DSTYK: variants seen among roughly 807,000 people sequenced by gnomAD.
DSTYK encodes the protein RIP-homologous kinase.
In DSTYK, 34 loss-of-function variants were observed where a neutral mutation model predicts 98.7. That is an observed-to-expected ratio of 0.34 (90% confidence interval 0.26 to 0.46). The LOEUF (loss-of-function observed/expected upper bound fraction) is 0.46, where lower values mean the gene tolerates loss of function less well. DSTYK is among the 20% of genes least tolerant of loss of function. The pLI is 1.00. For synonymous variants in DSTYK, 462 were observed against 457.3 expected, an observed-to-expected ratio of 1.01 and a Z score of -0.13; for missense variants, 962 against 1,181.7, an observed-to-expected ratio of 0.81 and a Z score of 2.73.
chr1:205,210,983 G>A (rs1659354610), intron 1 of DSTYK, among the ~76,000 whole-genome samples: 1 of 152,166 alleles, frequency 6.6e-6, no homozygotes, highest in Non-Finnish European at 1.5e-5. Context: ...GCCCGCCCCA[G>A]GTCCGTCAGC....
chr1:205,195,656 C>T (rs555230034), intron 1 of DSTYK, among the ~76,000 whole-genome samples: 7 of 152,290 alleles, frequency 4.6e-5, no homozygotes, highest in South Asian at 4.1e-4. Flanking sequence ...TCGCTGGAAT[C>T]GGAAAAGTCA....
intron 9 of DSTYK, among the ~76,000 whole-genome samples, chr1:205,158,375 G>A (rs894679384): frequency 1.3e-5 from 2 of 151,984 alleles, no homozygotes; most frequent in South Asian, 4.2e-4. Context: ...AGACTCTGAG[G>A]TCAGCTTTTC....
In DSTYK at chr1:205,165,321, C is replaced by A. The variant is rs1322581153; in HGVS notation, c.1325-1366G>T. Among the ~76,000 whole-genome samples the A allele has an allele frequency of 2.0e-5, 3 of 152,076 alleles. No individual in the cohort carries two copies. In the East Asian group the frequency reaches 5.8e-4, roughly 29 times the overall value. Reference sequence around the variant, plus strand: ...GGCCAGGCTGGTCTTGAACTCCTGACCTCAGGTGATCCGCTCACCTTGGCC... The same window carrying A: ...GGCCAGGCTGGTCTTGAACTCCTGAACTCAGGTGATCCGCTCACCTTGGCC... On this transcript the variant is annotated intron_variant, in intron 3 of 12. Transcript: ENST00000367162.
chr1:205,180,579 C>T (rs1228652619), intron 2 of DSTYK, among the ~76,000 whole-genome samples: 1 of 152,192 alleles, frequency 6.6e-6, no homozygotes, highest in Non-Finnish European at 1.5e-5. Context: ...GTCTTCCCGC[C>T]TCAGCCTCCT....
chr1:205,206,273 G>GT (rs1286685112), intron 1 of DSTYK, among the ~76,000 whole-genome samples: 27 of 149,372 alleles, frequency 1.8e-4, no homozygotes, highest in South Asian at 1.1e-3. Context: ...GTTTTTTTTG[G>GT]TTTTTTTTTT....
intron 2 of DSTYK, among the ~76,000 whole-genome samples, chr1:205,181,658 G>A (rs968908901): frequency 4.3e-5 from 3 of 69,146 alleles, no homozygotes; most frequent in African/African-American, 1.3e-4. Context: ...GTTGGGGTTT[G>A]TGTGTGTGTG....
intron 2 of DSTYK, among the ~76,000 whole-genome samples, chr1:205,172,645 C>T (rs1258621175): frequency 6.6e-6 from 1 of 152,040 alleles, no homozygotes; most frequent in Non-Finnish European, 1.5e-5. Flanking sequence ...TTATTTCCAA[C>T]AAAGCACAAA....
chr1:205,179,346 C>T (rs1305240986), intron 2 of DSTYK, among the ~76,000 whole-genome samples: 2 of 151,920 alleles, frequency 1.3e-5, no homozygotes, highest in South Asian at 2.1e-4. Context: ...TGCGGCCGGG[C>T]GTGGTGGCTC....
chr1:205,211,017 C>G (rs1046032797), intron 1 of DSTYK, among the ~76,000 whole-genome samples: 1 of 152,206 alleles, frequency 6.6e-6, no homozygotes, highest in African/African-American at 2.4e-5. Flanking sequence ...CCCGGGGTCC[C>G]GCTCCGGGAA....
intron 8 of DSTYK, 175 bp downstream of exon 8, chr1:205,159,939 T>C: frequency 1.2e-6 from 1 of 848,094 alleles, no homozygotes; most frequent in South Asian, 1.7e-5. Flanking sequence ...GAAATTAGGA[T>C]GGTGGGGAAA....
chr1:205,183,709 A>G (rs1481450291), intron 2 of DSTYK, among the ~76,000 whole-genome samples: 1 of 152,258 alleles, frequency 6.6e-6, no homozygotes, highest in East Asian at 1.9e-4. Context: ...CAAAAAGCTC[A>G]TTCTTGCTGG....
At chr1:205,175,122 G>T (rs1418674481) in intron 2 of DSTYK, among the ~76,000 whole-genome samples, 4 of 135,994 alleles carry the variant, frequency 2.9e-5, no homozygotes, top group Non-Finnish European at 6.3e-5. Context: ...TTTTTTCTGA[G>T]ACAGAGTCTC....
chr1:205,194,589 C>G (rs1244787796), intron 1 of DSTYK, among the ~76,000 whole-genome samples: 1 of 151,220 alleles, frequency 6.6e-6, no homozygotes, highest in Non-Finnish European at 1.5e-5. Flanking sequence ...CACTATGTTG[C>G]CCAGGCTGGT....
Position 205,159,663 on chromosome 1 carries a change from C to T in DSTYK, c.2122G>A (p.Glu708Lys). The stretch of plus-strand genomic sequence containing the variant: ...GAACCATGGAGATCCACCAATCGCT[C>T]ATGCTTCGGCAGAGACCTGGAGGGA... The part of the protein sequence containing the change: ...FHYMRSLPKH[E>K]RLVDLHGSVI... Residue 708 changes from glutamate to lysine, a missense_variant, in exon 9 of 13, where the codon GAG (glutamate) becomes AAG (lysine). Glu to Lys is a moderately conservative substitution (Grantham distance 56). Around this residue, in one of 4 missense-constraint regions of DSTYK, gnomAD observed 660 missense variants for 855.0 expected, o/e 0.77. Coordinates refer to ENST00000367162, the MANE Select transcript of DSTYK (RefSeq NM_015375.3). The T allele has an allele frequency of 6.2e-7, 1 of 1,613,522 alleles. No homozygotes were observed. Among genetic ancestry groups the T allele is most frequent in the Non-Finnish European group, 8.5e-7 (1 of 1,179,984 alleles).
intron 9 of DSTYK, among the ~76,000 whole-genome samples, chr1:205,158,771 C>T (rs181930403): frequency 7.2e-5 from 11 of 152,264 alleles, no homozygotes; most frequent in East Asian, 1.9e-4. Flanking sequence ...CAAACTCAAA[C>T]GCCACATCTT....
chr1:205,159,049 A>T (rs1442601737), intron 9 of DSTYK, among the ~76,000 whole-genome samples: 1 of 152,160 alleles, frequency 6.6e-6, no homozygotes, highest in Non-Finnish European at 1.5e-5. Context: ...TTCTGGGCAT[A>T]TAATGGGGTG....
chr1:205,185,585 A>G (rs1658537506), intron 2 of DSTYK, among the ~76,000 whole-genome samples: 1 of 152,214 alleles, frequency 6.6e-6, no homozygotes, highest in Admixed American at 6.5e-5. Flanking sequence ...TAACATTTTC[A>G]AAAAATGAAG....
intron 2 of DSTYK, among the ~76,000 whole-genome samples, chr1:205,185,404 G>A (rs994925145): frequency 6.6e-6 from 1 of 151,732 alleles, no homozygotes; most frequent in African/African-American, 2.4e-5. Flanking sequence ...TTAGAGACAG[G>A]GTCTCACTAT....
chr1:205,205,754 T>A (rs970225813), intron 1 of DSTYK, among the ~76,000 whole-genome samples: 1 of 152,168 alleles, frequency 6.6e-6, no homozygotes, highest in African/African-American at 2.4e-5. Flanking sequence ...CGAAAATGCC[T>A]ATTTTAAATA....
Sources: allele counts gnomAD v4.1 joint callset (sites outside exome capture counted in the v4.1 genomes callset), GRCh38; gene constraint gnomAD v4.1.1; regional missense constraint gnomAD v4.1.1; transcripts MANE v1.5; gene names NCBI Gene and HGNC (gene_info 2026-07-23, HGNC 2026-07-21).